The following PTPRB variants were observed in gnomAD, a reference collection of about 807,000 sequenced individuals.
PTPRB encodes the protein protein tyrosine phosphatase receptor type B.
A neutral mutation model predicts 238.1 loss-of-function variants in PTPRB; 97 were observed. The observed-to-expected ratio is 0.41, with a 90% CI of 0.35 to 0.48. PTPRB has a LOEUF of 0.48. Ranked by LOEUF, PTPRB falls within the 20% of genes least tolerant of loss-of-function variation. PTPRB has a pLI of 0.30. For synonymous variants in PTPRB, 970 were observed against 995.4 expected (o/e 0.97, Z 0.48); for missense variants, 2,292 against 2,681.9 (o/e 0.85, Z 3.21).
At position 70,524,601 on chromosome 12, in the gene PTPRB, A is replaced by G; in HGVS notation, c.6505-10T>C. 6.2e-7 allele frequency: 1 copy of G among 1,606,276 alleles called. No individual in the cohort carries two copies. Among genetic ancestry groups the G allele is most frequent in the Non-Finnish European group, 8.5e-7 (1 of 1,176,448 alleles). On this transcript the variant is annotated splice_polypyrimidine_tract_variant and intron_variant, in intron 32 of 33. Coordinates refer to ENST00000334414, the MANE Select transcript of PTPRB (RefSeq NM_001109754.4). ...GGTAGACATACTGACACTGTGGAAAAGCAGAAACATGTCAGAGGAGGGCCT... is the reference window on the plus strand; with the variant it reads ...GGTAGACATACTGACACTGTGGAAAGGCAGAAACATGTCAGAGGAGGGCCT...
Position 70,589,973 on chromosome 12 carries a change from C to T in PTPRB, c.2041G>A (p.Gly681Ser). The change falls in exon 8 of 34, where the codon GGC (glycine) becomes AGC (serine). Residue 681 changes from glycine (G) to serine (S), a missense_variant. Around this residue, in one of 4 missense-constraint regions of PTPRB, gnomAD observed 1,205 missense variants for 1,287.8 expected, o/e 0.94. Coordinates refer to ENST00000334414, the MANE Select transcript of PTPRB (RefSeq NM_001109754.4). ...GNLKNSERCQGRTVPLAVLQL... is the reference protein window; with the variant it reads ...GNLKNSERCQSRTVPLAVLQL... ...CTTCATATTTGCCTACCTGTCCTGC[C>T]TTGGCAACGCTCAGAATTCTTCAAA... The T allele has an allele frequency of 6.2e-7, 1 of 1,613,500 alleles. No homozygotes were observed. Among genetic ancestry groups the T allele is most frequent in the African/African-American group, 1.3e-5 (1 of 75,058 alleles).
chr12:70,531,819 G>A (rs1873294024), intron 32 of PTPRB, among the ~76,000 whole-genome samples: 1 of 152,030 alleles, frequency 6.6e-6, no homozygotes, highest in African/African-American at 2.4e-5. Flanking sequence ...TCATCTGCCA[G>A]CCTATCTTAA....
At chr12:70,612,729 G>A (rs1182189297) in intron 3 of PTPRB, among the ~76,000 whole-genome samples, 3 of 152,108 alleles carry the variant, frequency 2.0e-5, no homozygotes, top group Admixed American at 1.3e-4. Flanking sequence ...GCTCACACCT[G>A]TAATCATAGC....
At chr12:70,532,199 C>A (rs763111654) in intron 31 of PTPRB, 29 bp from the exon 32 acceptor site, 3 of 1,535,402 alleles carry the variant, frequency 2.0e-6, no homozygotes, top group East Asian at 2.4e-5. Flanking sequence ...GAAGATTGAG[C>A]CTTTTTATTA....
At chr12:70,555,352 C>CTTGGTTTA (rs1565936131) in intron 19 of PTPRB, 43 bp from the exon 20 acceptor site, 2 of 1,563,806 alleles carry the variant, frequency 1.3e-6, no homozygotes, top group African/African-American at 2.7e-5. Flanking sequence ...GGTCACAACT[C>CTTGGTTTA]TGCTTTCACA....
At chr12:70,533,332 C>T (rs988629970) in intron 31 of PTPRB, among the ~76,000 whole-genome samples, 8 of 152,138 alleles carry the variant, frequency 5.3e-5, no homozygotes, top group Non-Finnish European at 1.0e-4. Context: ...AGCAGGGCTC[C>T]TAGGGTGCTG....
intron 9 of PTPRB, among the ~76,000 whole-genome samples, chr12:70,583,957 T>G (rs1003801962): frequency 6.6e-6 from 1 of 152,100 alleles, no homozygotes; most frequent in African/African-American, 2.4e-5. Context: ...CAACAGAACT[T>G]AACTCCTGAA....
At chr12:70,620,957 A>G (rs1022019219) in intron 3 of PTPRB, among the ~76,000 whole-genome samples, 5 of 152,204 alleles carry the variant, frequency 3.3e-5, no homozygotes, top group African/African-American at 4.8e-5. Flanking sequence ...TATGCGATCT[A>G]TGCATGTAAG....
rs191261478 is a variant in PTPRB, at chr12:70,604,320, T to C, written c.979+4749A>G. Among the ~76,000 whole-genome samples, 201 of 152,272 alleles carry C rather than the reference T, an allele frequency of 1.3e-3. 1 individual carries two copies. The highest frequency in any genetic ancestry group is 4.6e-3 in the African/African-American group (191 of 41,554). ...AGTACTCTTCTCTTCCTGGGAAAGA[T>C]AATAAATACTCCTAGGCATTATAGA... On this transcript the variant is annotated intron_variant, in intron 4 of 33. Coordinates refer to ENST00000334414, the MANE Select transcript of PTPRB (RefSeq NM_001109754.4).
intron 19 of PTPRB, 31 bp from the exon 20 acceptor site, chr12:70,555,340 G>T (rs146751518): frequency 3.8e-6 from 6 of 1,591,238 alleles, no homozygotes; most frequent in Non-Finnish European, 5.1e-6. Flanking sequence ...GGAACCAAGA[G>T]GGGTCACAAC....
At chr12:70,608,484 A>C (rs1884147626) in intron 4 of PTPRB, among the ~76,000 whole-genome samples, 1 of 152,216 alleles carries the variant, frequency 6.6e-6, no homozygotes, top group African/African-American at 2.4e-5. Flanking sequence ...TGTAAGGAAA[A>C]TAATTGCTGT....
At chr12:70,555,425 A>T in intron 19 of PTPRB, 116 bp from the exon 20 acceptor site, 3 of 972,146 alleles carry the variant, frequency 3.1e-6, no homozygotes, top group South Asian at 1.7e-5. Flanking sequence ...TGTGTGTGTG[A>T]GCGTGTGCCT....
chr12:70,581,430 C>G, intron 9 of PTPRB, 128 bp from the exon 10 acceptor site: 1 of 979,260 alleles, frequency 1.0e-6, no homozygotes, highest in East Asian at 2.6e-5. Flanking sequence ...TTGCTATAGA[C>G]TCTCAGTTCT....
At chr12:70,608,467 G>A (rs1175075867) in intron 4 of PTPRB, among the ~76,000 whole-genome samples, 1 of 152,106 alleles carries the variant, frequency 6.6e-6, no homozygotes, top group Non-Finnish European at 1.5e-5. Context: ...GAGGGATTCA[G>A]CAAAAGTGTA....
Position 70,569,919 on chromosome 12 carries a change from AT to A in PTPRB, c.3389del (p.Asn1130IlefsTer13). 6.2e-7 allele frequency: 1 copy of A among 1,609,976 alleles called. No homozygotes were observed. Among genetic ancestry groups the A allele is most frequent in the Non-Finnish European group, 8.5e-7 (1 of 1,176,294 alleles). ...TTGCTCCATTGGGAGAAATGTGAAT[AT>A]TTTTGACAGCACTAGGAACTAAAAC... ...EGFTVPSAVK[N>X]IHISPNGATD... On this transcript the variant is annotated frameshift_variant, in exon 14 of 34. Coordinates refer to ENST00000334414, the MANE Select transcript of PTPRB (RefSeq NM_001109754.4). LOFTEE classifies it high-confidence loss of function.
At chr12:70,567,217 C>G (rs1010269422) in intron 14 of PTPRB, among the ~76,000 whole-genome samples, 2 of 152,226 alleles carry the variant, frequency 1.3e-5, no homozygotes, top group East Asian at 3.9e-4. Context: ...ATTTTCTGTA[C>G]TAGGTTCATT....
chr12:70,609,713 C>T (rs566644317), intron 3 of PTPRB: 8 of 1,514,704 alleles, frequency 5.3e-6, no homozygotes, highest in Non-Finnish European at 7.2e-6. Flanking sequence ...ATTTGGTTTT[C>T]GGCGGGGAGG....
rs547870810 is a variant in PTPRB at position 70,565,876 on chromosome 12, G to A, written c.3904+559C>T. On this transcript the variant is annotated intron_variant, in intron 15 of 33. Transcript: ENST00000334414. ...ACGAAGGAATTATCCTGGATTGTCC[G>A]GTTGGTGACCAAGGTAATCACAAGA... 9.4e-4 allele frequency among the ~76,000 whole-genome samples: 143 copies of A among 152,240 alleles called. 1 individual carries two copies. Among genetic ancestry groups the A allele is most frequent in the African/African-American group, 3.0e-3 (124 of 41,524 alleles).
intron 3 of PTPRB, among the ~76,000 whole-genome samples, chr12:70,614,906 G>A (rs777967080): frequency 1.6e-4 from 24 of 152,122 alleles, no homozygotes; most frequent in Non-Finnish European, 2.8e-4. Flanking sequence ...ACCATGACCA[G>A]CCTATTTTGT....
Sources: allele counts gnomAD v4.1 joint callset (sites outside exome capture counted in the v4.1 genomes callset), GRCh38; gene constraint gnomAD v4.1.1; regional missense constraint gnomAD v4.1.1; transcripts MANE v1.5; gene names NCBI Gene and HGNC (gene_info 2026-07-23, HGNC 2026-07-21).